TANGO6: variants seen among roughly 807,000 people sequenced by gnomAD.
TANGO6 encodes transport and Golgi organization protein 6 homolog.
TANGO6 carries 90 observed loss-of-function variants against 114.2 expected under a neutral mutation model. That is an observed-to-expected ratio of 0.79 (90% confidence interval 0.66 to 0.94). The LOEUF is 0.94. TANGO6 is among the 40% of genes least tolerant of loss of function. The probability of loss-of-function intolerance (pLI) is 0.00; values close to 1 mark genes in which losing one functional copy is unlikely to be tolerated. For synonymous variants in TANGO6, 477 were observed against 509.8 expected (o/e 0.94, Z 0.87); for missense variants, 1,274 against 1,315.3 (o/e 0.97, Z 0.49).
At chr16:68,927,398 T>C in intron 12 of TANGO6, 170 bp from the exon 13 acceptor site, 1 of 650,978 alleles carries the variant, frequency 1.5e-6, no homozygotes. Context: ...ATGTTAGGTA[T>C]GATTATTCAA....
At chr16:68,915,022 C>T (rs1359693759) in intron 11 of TANGO6, among the ~76,000 whole-genome samples, 1 of 150,130 alleles carries the variant, frequency 6.7e-6, no homozygotes. Flanking sequence ...GGAGGATGGG[C>T]GCAGTGGCTT....
chr16:69,052,927 G>A (rs1193399247), intron 17 of TANGO6, among the ~76,000 whole-genome samples: 1 of 152,012 alleles, frequency 6.6e-6, no homozygotes, highest in Non-Finnish European at 1.5e-5. Context: ...TGGCCAACAC[G>A]GAGAAACCTC....
intron 14 of TANGO6, chr16:68,973,007 A>G: frequency 2.5e-6 from 1 of 393,802 alleles, no homozygotes; most frequent in South Asian, 1.9e-5. Flanking sequence ...GATCAGAGAG[A>G]GAACAAAGGA....
intron 17 of TANGO6, among the ~76,000 whole-genome samples, chr16:69,061,786 G>A (rs1024443272): frequency 6.6e-6 from 1 of 152,094 alleles, no homozygotes; most frequent in East Asian, 1.9e-4. Context: ...TTGGGAGGCC[G>A]AGGCGGGCGG....
At position 69,040,345 on chromosome 16, in the gene TANGO6, G is replaced by A. The variant is rs1221661583; in HGVS notation, c.3032G>A (p.Gly1011Asp). The change falls in exon 17 of 18, where the codon GGT becomes GAT. Residue 1011 changes from glycine (G) to aspartate (D), a missense_variant. By Grantham distance (94) the Gly-to-Asp change is moderately conservative. This residue lies in a region of TANGO6 where 238 missense variants were observed against 252.9 expected (regional missense o/e 0.94). Transcript: ENST00000261778. ...ACLIAVAKTD[G>D]EVQVRRAAIH... ...CTGATTGCTGTGGCCAAAACAGATG[G>A]TGAAGTTCAAGTACGCAGAGCTGCC... 2 of 1,609,264 alleles carry A rather than the reference G, an allele frequency of 1.2e-6. No homozygotes were observed. The highest frequency in any genetic ancestry group is 1.3e-5 in the African/African-American group (1 of 74,994).
chr16:68,893,593 G>A (rs554890316), intron 7 of TANGO6, among the ~76,000 whole-genome samples: 5 of 151,738 alleles, frequency 3.3e-5, no homozygotes, highest in Admixed American at 6.6e-5. Flanking sequence ...AAAATTAGCC[G>A]GGCGTGGTGG....
chr16:68,912,037 C>T (rs933789098), intron 11 of TANGO6, among the ~76,000 whole-genome samples: 2 of 152,104 alleles, frequency 1.3e-5, no homozygotes, highest in Non-Finnish European at 2.9e-5. Flanking sequence ...TTTGGGATTG[C>T]CAGGGCATCA....
chr16:68,860,884 C>T (rs186132279), intron 2 of TANGO6, among the ~76,000 whole-genome samples: 1 of 152,324 alleles, frequency 6.6e-6, no homozygotes, highest in East Asian at 1.9e-4. Context: ...CTGGCCCAAT[C>T]TCTAGTAGTG....
chr16:68,846,533 T>A, intron 1 of TANGO6: 1 of 331,752 alleles, frequency 3.0e-6, no homozygotes, highest in South Asian at 2.3e-5. Context: ...TCTTGCTCTG[T>A]CGCCCAAGCT....
intron 17 of TANGO6, among the ~76,000 whole-genome samples, chr16:69,057,689 A>G (rs1037851721): frequency 2.0e-5 from 3 of 152,192 alleles, no homozygotes; most frequent in African/African-American, 7.2e-5. Context: ...CATGAAATCC[A>G]AAAGGAAAAG....
intron 15 of TANGO6, among the ~76,000 whole-genome samples, chr16:68,980,685 T>A (rs1963826784): frequency 6.6e-6 from 1 of 151,788 alleles, no homozygotes; most frequent in African/African-American, 2.4e-5. Flanking sequence ...CTTTATATAT[T>A]TTTATGTCTA....
At chr16:68,933,180 C>T (rs568994646) in intron 14 of TANGO6, among the ~76,000 whole-genome samples, 19 of 152,246 alleles carry the variant, frequency 1.2e-4, no homozygotes, top group South Asian at 1.2e-3. Flanking sequence ...TTTGGGAGGC[C>T]GAGGTGGTTG....
At chr16:69,044,615 A>G (rs189954631) in intron 17 of TANGO6, among the ~76,000 whole-genome samples, 108 of 152,304 alleles carry the variant, frequency 7.1e-4, no homozygotes, top group African/African-American at 2.5e-3. Flanking sequence ...GGGAAGCCAC[A>G]GAAGAGAGGC....
intron 15 of TANGO6, among the ~76,000 whole-genome samples, chr16:68,995,548 A>G (rs1483275027): frequency 6.6e-6 from 1 of 152,188 alleles, no homozygotes; most frequent in Non-Finnish European, 1.5e-5. Context: ...GGAAATCGGA[A>G]GTGTTCCGTT....
intron 14 of TANGO6, among the ~76,000 whole-genome samples, chr16:68,944,448 G>A (rs76260607): frequency 6.6e-5 from 10 of 152,182 alleles, no homozygotes; most frequent in African/African-American, 2.4e-4. Context: ...TCTTCACTCA[G>A]ACCTCACAGC....
chr16:68,996,326 C>T (rs944607616), intron 15 of TANGO6, among the ~76,000 whole-genome samples: 2 of 152,120 alleles, frequency 1.3e-5, no homozygotes, highest in Admixed American at 1.3e-4. Flanking sequence ...AATCTAATTT[C>T]CTTTGGACCT....
At chr16:68,869,895 G>A (rs146644004) in intron 4 of TANGO6, among the ~76,000 whole-genome samples, 1 of 152,210 alleles carries the variant, frequency 6.6e-6, no homozygotes, top group Non-Finnish European at 1.5e-5. Context: ...GGGTAGAGTA[G>A]TGAGGGCAGA....
At chr16:68,965,295 G>A (rs985004303) in intron 14 of TANGO6, among the ~76,000 whole-genome samples, 6 of 152,056 alleles carry the variant, frequency 3.9e-5, no homozygotes, top group African/African-American at 1.4e-4. Context: ...GAGTAGCTGG[G>A]ATTACAGGTA....
At chr16:68,971,781 G>A (rs1963707425) in intron 14 of TANGO6, among the ~76,000 whole-genome samples, 1 of 151,560 alleles carries the variant, frequency 6.6e-6, no homozygotes, top group African/African-American at 2.4e-5. Context: ...ACAGGTGCCC[G>A]ATACCACGCC....
Sources: gnomAD v4.1 joint callset for allele counts (sites outside exome capture counted in the v4.1 genomes callset) on GRCh38, gnomAD v4.1.1 for gene constraint, gnomAD v4.1.1 regional missense constraint, MANE v1.5 for transcripts, NCBI Gene and HGNC (gene_info 2026-07-23, HGNC 2026-07-21) for gene names.